Variants in SDK1 observed in about 807,000 individuals in gnomAD.
SDK1 encodes the protein sidekick cell adhesion molecule 1.
SDK1 carries 157 observed loss-of-function variants against 245.5 expected under a neutral mutation model. The ratio of observed to expected loss-of-function variants is 0.64; its 90% CI spans 0.56 to 0.73. The LOEUF is 0.73. Ranked by LOEUF, SDK1 falls within the 30% of genes least tolerant of loss-of-function variation. The pLI, the probability that SDK1 is intolerant of heterozygous loss-of-function variation, is 0.00. For missense variants in SDK1, 3,583 were observed against 3,002.3 expected (o/e 1.19, Z -4.52); for synonymous variants, 1,647 against 1,278.5 (o/e 1.29, Z -6.15).
intron 4 of SDK1, among the ~76,000 whole-genome samples, chr7:3,662,109 A>G (rs1201833930): frequency 1.5e-5 from 2 of 129,740 alleles, no homozygotes; most frequent in Non-Finnish European, 3.1e-5. Context: ...TGCATTCTGT[A>G]TATCTGGTTA....
chr7:3,465,211 T>C (rs906352660), intron 1 of SDK1, among the ~76,000 whole-genome samples: 5 of 152,128 alleles, frequency 3.3e-5, no homozygotes, highest in African/African-American at 4.8e-5. Flanking sequence ...ACTTGTAGCA[T>C]CTCTGGATTC....
rs1316414893 is a variant in SDK1, at chr7:3,971,454, T to C, written c.1715-12T>C. On this transcript the variant is annotated splice_polypyrimidine_tract_variant and intron_variant, in intron 11 of 44. Coordinates refer to ENST00000404826, the MANE Select transcript of SDK1 (RefSeq NM_152744.4). ...GTCATTTCGTCTGACTCGTGACTTG[T>C]GTTTTTTTCAGATCGGACGTCCATC... is the stretch of plus-strand genomic sequence containing the variant. 7 of 1,595,196 alleles carry C rather than the reference T, an allele frequency of 4.4e-6. No individual in the cohort carries two copies. Among genetic ancestry groups the C allele is most frequent in the African/African-American group, 4.0e-5 (3 of 74,646 alleles).
At chr7:3,672,755 A>AC (rs1316818512) in intron 4 of SDK1, among the ~76,000 whole-genome samples, 2 of 80,168 alleles carry the variant, frequency 2.5e-5, no homozygotes, top group Non-Finnish European at 4.6e-5. Context: ...TATAATATAT[A>AC]ATTTTATATA....
chr7:4,184,640 CAGAG>C (rs1184452042), intron 35 of SDK1, among the ~76,000 whole-genome samples: 1 of 152,184 alleles, frequency 6.6e-6, no homozygotes, highest in African/African-American at 2.4e-5. Flanking sequence ...TGTTTAAACT[CAGAG>C]AGGAAGGATA....
chr7:4,245,082 A>G (rs1392648539), intron 43 of SDK1, among the ~76,000 whole-genome samples: 2 of 152,160 alleles, frequency 1.3e-5, no homozygotes, highest in Non-Finnish European at 2.9e-5. Flanking sequence ...TCCACTGGTT[A>G]GAAGCACGTC....
chr7:3,662,035 G>C (rs79905031), intron 4 of SDK1, among the ~76,000 whole-genome samples: 23,340 of 130,294 alleles, frequency 0.18, 2,317 homozygotes, highest in Admixed American at 0.23. Context: ...AAGAGGCAAC[G>C]GTTGTATTTT....
chr7:4,158,516 G>A lies in SDK1; in HGVS notation c.4694G>A (p.Ser1565Asn). The stretch of plus-strand genomic sequence containing the variant: ...AACGACATTGGGGACAGTGACTTCA[G>A]TTCAGAGACAGAGGCGGTGACCACG... ...ATNDIGDSDFSSETEAVTTLQ... is the reference protein window; with the variant it reads ...ATNDIGDSDFNSETEAVTTLQ... The change falls in exon 31 of 45, where the codon AGT (serine) becomes AAT (asparagine). Residue 1565 changes from serine (S) to asparagine (N), a missense_variant. Coordinates refer to ENST00000404826, the MANE Select transcript of SDK1 (RefSeq NM_152744.4). 2 of 1,613,904 alleles carry A rather than the reference G, an allele frequency of 1.2e-6. No individual in the cohort carries two copies. The highest frequency in any genetic ancestry group is 1.7e-6 in the Non-Finnish European group (2 of 1,179,982).
At chr7:3,454,957 G>C (rs572738368) in intron 1 of SDK1, among the ~76,000 whole-genome samples, 31 of 152,254 alleles carry the variant, frequency 2.0e-4, no homozygotes, top group African/African-American at 6.7e-4. Context: ...CAGTGCTTGA[G>C]TGGTACCGTT....
chr7:3,599,506 A>C (rs1281733739), intron 1 of SDK1, among the ~76,000 whole-genome samples: 4 of 152,114 alleles, frequency 2.6e-5, no homozygotes, highest in Admixed American at 6.5e-5. Flanking sequence ...TCTTTTGTGC[A>C]TTATGCTTTT....
chr7:4,029,914 C>G (rs1477489963), intron 17 of SDK1, among the ~76,000 whole-genome samples: 3 of 152,210 alleles, frequency 2.0e-5, no homozygotes, highest in Non-Finnish European at 4.4e-5. Flanking sequence ...AGCCAACATG[C>G]TGCACTCGGA....
intron 4 of SDK1, among the ~76,000 whole-genome samples, chr7:3,723,979 AAG>A (rs1294387558): frequency 1.8e-5 from 2 of 110,456 alleles, no homozygotes; most frequent in African/African-American, 6.8e-5. Flanking sequence ...GAGAGAGAGA[AAG>A]AGAGAGAGAG....
chr7:3,489,579 G>T (rs947224137), intron 1 of SDK1, among the ~76,000 whole-genome samples: 6 of 152,166 alleles, frequency 3.9e-5, no homozygotes, highest in Admixed American at 1.3e-4. Context: ...ATAATGAAAG[G>T]TGCATATCTG....
At chr7:3,799,194 C>G (rs1779042131) in intron 4 of SDK1, among the ~76,000 whole-genome samples, 1 of 152,062 alleles carries the variant, frequency 6.6e-6, no homozygotes, top group South Asian at 2.1e-4. Flanking sequence ...CTTCAAAATA[C>G]TTATTTTTCG....
chr7:3,732,018 C>T (rs1178037683), intron 4 of SDK1, among the ~76,000 whole-genome samples: 2 of 152,022 alleles, frequency 1.3e-5, no homozygotes, highest in African/African-American at 2.4e-5. Flanking sequence ...TCTCGATCTC[C>T]TGACCTCGTG....
chr7:3,939,988 T>C (rs1023891960), intron 5 of SDK1, among the ~76,000 whole-genome samples: 1 of 152,252 alleles, frequency 6.6e-6, no homozygotes, highest in African/African-American at 2.4e-5. Context: ...TTGAGACGCG[T>C]AGGCAATGTT....
At chr7:3,648,200 A>G (rs1217112644) in intron 4 of SDK1, among the ~76,000 whole-genome samples, 1 of 152,152 alleles carries the variant, frequency 6.6e-6, no homozygotes, top group African/African-American at 2.4e-5. Context: ...TCAAAATATG[A>G]AATGTGAATA....
At chr7:4,004,681 G>GT (rs560662698) in intron 14 of SDK1, among the ~76,000 whole-genome samples, 37 of 152,290 alleles carry the variant, frequency 2.4e-4, no homozygotes, top group South Asian at 1.9e-3. Context: ...TTGCTAGAGT[G>GT]TTTTAAAGGA....
chr7:3,676,111 G>T (rs143598091), intron 4 of SDK1, among the ~76,000 whole-genome samples: 1 of 152,044 alleles, frequency 6.6e-6, no homozygotes, highest in African/African-American at 2.4e-5. Flanking sequence ...GACTACAGGT[G>T]CATGCCATCA....
intron 4 of SDK1, among the ~76,000 whole-genome samples, chr7:3,670,806 C>G (rs1052418251): frequency 5.3e-5 from 8 of 152,172 alleles, no homozygotes; most frequent in Admixed American, 1.3e-4. Context: ...TGTTGTAGAT[C>G]AGTTAACATT....
Sources: gnomAD v4.1 joint callset for allele counts (sites outside exome capture counted in the v4.1 genomes callset) on GRCh38, gnomAD v4.1.1 for gene constraint, MANE v1.5 for transcripts, NCBI Gene and HGNC (gene_info 2026-07-23, HGNC 2026-07-21) for gene names.